The following WFDC11 variants were observed in gnomAD, a reference collection of about 807,000 sequenced individuals.
WFDC11 encodes WAP four-disulfide core domain 11.
A neutral mutation model predicts 9.9 loss-of-function variants in WFDC11; 9 were observed. The ratio of observed to expected loss-of-function variants is 0.91; its 90% CI spans 0.55 to 1.58. WFDC11 has a LOEUF of 1.58. Among genes scored for constraint, WFDC11 ranks in the 40% most tolerant of loss-of-function variants. The pLI, the probability that WFDC11 is intolerant of heterozygous loss-of-function variation, is 0.00. For missense variants in WFDC11, 106 were observed against 101.7 expected, an observed-to-expected ratio of 1.04 and a Z score of -0.18; for synonymous variants, 32 against 33.3, an observed-to-expected ratio of 0.96 and a Z score of 0.13.
At chr20:45,662,323 G>T (rs975759938) in intron 2 of WFDC11, among the ~76,000 whole-genome samples, 3 of 152,196 alleles carry the variant, frequency 2.0e-5, no homozygotes, top group Admixed American at 6.5e-5. Context: ...TTTGGGCTGA[G>T]ACAATGGGGT....
chr20:45,650,668 A>G lies in WFDC11; in HGVS notation c.-51-17T>C. On this transcript the variant is annotated splice_polypyrimidine_tract_variant and intron_variant, in intron 2 of 4. Coordinates refer to ENST00000324384, the MANE Select transcript of WFDC11 (RefSeq NM_147197.2). ...CAGTCGCTGCTAGAGATCAAGACAT[A>G]TAAATAGGGAAAGAGAGGTGTGAAG... The G allele has an allele frequency of 1.5e-6, 2 of 1,300,258 alleles. No individual in the cohort carries two copies. Among genetic ancestry groups the G allele is most frequent in the Non-Finnish European group, 2.2e-6 (2 of 897,796 alleles). The allele number at this position is 1,300,258 out of a possible 1,614,324, so 80.5% of individuals were successfully genotyped here.
chr20:45,666,618 A>G (rs1983194027), intron 2 of WFDC11, among the ~76,000 whole-genome samples: 1 of 152,196 alleles, frequency 6.6e-6, no homozygotes, highest in South Asian at 2.1e-4. Context: ...ATCATACTAC[A>G]GTTATCAACT....
chr20:45,656,909 A>C (rs931716535), intron 2 of WFDC11, among the ~76,000 whole-genome samples: 2 of 152,140 alleles, frequency 1.3e-5, no homozygotes, highest in African/African-American at 4.8e-5. Context: ...GTTAGAATGG[A>C]GATCATTAAA....
intron 2 of WFDC11, among the ~76,000 whole-genome samples, chr20:45,655,475 C>T (rs1382521428): frequency 1.3e-5 from 2 of 152,192 alleles, no homozygotes; most frequent in African/African-American, 4.8e-5. Context: ...CAGCCAATAT[C>T]ATACTGAAGG....
At chr20:45,650,465 C>G (rs1982781809) in intron 3 of WFDC11, 36 bp downstream of exon 3, 6 of 1,563,624 alleles carry the variant, frequency 3.8e-6, no homozygotes, top group Non-Finnish European at 3.5e-6. Flanking sequence ...AAGCTCATCC[C>G]CCTCCTGTGG....
chr20:45,664,346 G>A (rs1983141317), intron 2 of WFDC11, among the ~76,000 whole-genome samples: 2 of 152,066 alleles, frequency 1.3e-5, no homozygotes, highest in African/African-American at 4.8e-5. Context: ...CCTGATTATA[G>A]CACACTGATG....
intron 2 of WFDC11, among the ~76,000 whole-genome samples, chr20:45,663,372 A>T (rs1326142303): frequency 2.0e-5 from 3 of 152,140 alleles, no homozygotes; most frequent in African/African-American, 7.2e-5. Context: ...TTTTCAAAAA[A>T]CCAGCTCCTG....
At chr20:45,648,858 A>G (rs923941074) in intron 4 of WFDC11, 119 bp from the exon 5 acceptor site, 1 of 1,118,150 alleles carries the variant, frequency 8.9e-7, no homozygotes, top group Non-Finnish European at 1.3e-6. Context: ...ACTTTAACGT[A>G]ACAACAGGAG....
At chr20:45,660,397 T>A (rs1256949688) in intron 2 of WFDC11, among the ~76,000 whole-genome samples, 3 of 152,010 alleles carry the variant, frequency 2.0e-5, no homozygotes, top group Admixed American at 6.6e-5. Flanking sequence ...ATAATTTCAA[T>A]TTCCTTTTTT....
intron 1 of WFDC11, among the ~76,000 whole-genome samples, chr20:45,669,525 C>T (rs1352336712): frequency 1.3e-5 from 2 of 152,066 alleles, no homozygotes; most frequent in African/African-American, 4.8e-5. Context: ...CTCTCAAAAC[C>T]ACACACTTAC....
intron 2 of WFDC11, among the ~76,000 whole-genome samples, chr20:45,658,011 C>T (rs916836917): frequency 2.6e-5 from 4 of 151,952 alleles, no homozygotes; most frequent in African/African-American, 7.2e-5. Context: ...ATTATATAAG[C>T]TTGCTGTTAT....
intron 2 of WFDC11, among the ~76,000 whole-genome samples, chr20:45,660,419 TTTA>T (rs1379171212): frequency 1.3e-5 from 2 of 152,104 alleles, no homozygotes; most frequent in African/African-American, 2.4e-5. Context: ...GAAATTTTAT[TTTA>T]TTATTATTAT....
chr20:45,656,395 G>GA (rs2039638753), intron 2 of WFDC11, among the ~76,000 whole-genome samples: 1 of 152,192 alleles, frequency 6.6e-6, no homozygotes, highest in African/African-American at 2.4e-5. Context: ...GCAGAAAGCT[G>GA]AAACTAGATC....
At chr20:45,656,645 AGGCAACCTACAGAACG>A (rs1982939574) in intron 2 of WFDC11, among the ~76,000 whole-genome samples, 1 of 151,868 alleles carries the variant, frequency 6.6e-6, no homozygotes, top group South Asian at 2.1e-4. Flanking sequence ...CAGAGTGAAC[AGGCAACCTACAGAACG>A]GGAGAAAATT....
chr20:45,655,137 A>T (rs1982897782), intron 2 of WFDC11, among the ~76,000 whole-genome samples: 1 of 152,208 alleles, frequency 6.6e-6, no homozygotes, highest in Non-Finnish European at 1.5e-5. Flanking sequence ...CATAAAAGAT[A>T]ATTTTAGACC....
At chr20:45,669,776 G>A (rs866626809) in intron 1 of WFDC11, among the ~76,000 whole-genome samples, 2 of 152,080 alleles carry the variant, frequency 1.3e-5, no homozygotes, top group Middle Eastern at 3.4e-3. Context: ...AAAAACAAGA[G>A]CAAACCAACC....
chr20:45,650,605 G>A lies in WFDC11; in HGVS notation c.-5C>T. ...GAGCTTCATGAGGCTGACCATATGT[G>A]TCTGAATATGTGTTGTCAGAAGGAT... On this transcript the variant is annotated 5_prime_UTR_variant, in exon 3 of 5. Coordinates refer to ENST00000324384, the MANE Select transcript of WFDC11 (RefSeq NM_147197.2). 1 of 1,610,868 alleles carries A rather than the reference G, an allele frequency of 6.2e-7. No homozygotes were observed.
chr20:45,662,008 C>G (rs570825297), intron 2 of WFDC11, among the ~76,000 whole-genome samples: 2 of 152,226 alleles, frequency 1.3e-5, no homozygotes, highest in Admixed American at 1.3e-4. Flanking sequence ...TTACCTTGGA[C>G]AGTATGGCCA....
At chr20:45,668,209 C>CT (rs1983225965) in intron 1 of WFDC11, among the ~76,000 whole-genome samples, 1 of 152,154 alleles carries the variant, frequency 6.6e-6, no homozygotes, top group Non-Finnish European at 1.5e-5. Flanking sequence ...CCTTACAGTG[C>CT]TAGCAGAGGG....
Sources: allele counts gnomAD v4.1 joint callset (sites outside exome capture counted in the v4.1 genomes callset), GRCh38; gene constraint gnomAD v4.1.1; transcripts MANE v1.5; gene names NCBI Gene and HGNC (gene_info 2026-07-23, HGNC 2026-07-21).